The following GMDS variants were observed in gnomAD, a reference collection of about 807,000 sequenced individuals.
GMDS encodes GDP-mannose 4,6-dehydratase.
Under a neutral mutation model 49.9 loss-of-function variants are expected in GMDS, and 20 were observed. That is an observed-to-expected ratio of 0.40 (90% CI 0.28 to 0.58). GMDS has a LOEUF of 0.58. Among genes scored for constraint, GMDS ranks in the 20% least tolerant of loss-of-function variants. GMDS has a pLI of 0.42. For missense variants in GMDS, 362 were observed against 481.4 expected (o/e 0.75, Z 2.32); for synonymous variants, 177 against 178.6 (o/e 0.99, Z 0.07).
intron 1 of GMDS, among the ~76,000 whole-genome samples, chr6:2,143,861 C>T (rs530815005): frequency 1.3e-5 from 2 of 152,346 alleles, no homozygotes; most frequent in Admixed American, 6.5e-5. Context: ...AACATCTTCA[C>T]GTGAACATTC....
At chr6:1,744,233 G>C (rs1281140532) in intron 7 of GMDS, among the ~76,000 whole-genome samples, 1 of 152,144 alleles carries the variant, frequency 6.6e-6, no homozygotes, top group Non-Finnish European at 1.5e-5. Context: ...TCATATGGAA[G>C]ACAAGATTTT....
chr6:1,944,462 G>A (rs967223631), intron 6 of GMDS, among the ~76,000 whole-genome samples: 3 of 151,644 alleles, frequency 2.0e-5, no homozygotes, highest in Admixed American at 6.6e-5. Context: ...CCGAGATGGC[G>A]CCACTGCACG....
rs10523956 is a variant in GMDS at position 2,013,925 on chromosome 6, C to CATATATATATATATATATAT, written c.346-52979_346-52960dup. ...AGAGAACACCAGAGAGGATAAAAAC[C>CATATATATATATATATATAT]ATATATATATATATATATATATATA... On this transcript the variant is annotated intron_variant, in intron 4 of 10. Coordinates refer to ENST00000380815, the MANE Select transcript of GMDS (RefSeq NM_001500.4). 1.3e-3 allele frequency among the ~76,000 whole-genome samples: 157 copies of CATATATATATATATATATAT among 124,958 alleles called. 1 individual carries two copies. Among genetic ancestry groups the CATATATATATATATATATAT allele is most frequent in the African/African-American group, 1.8e-3 (50 of 28,358 alleles). The allele number at this position is 124,958 out of a possible 152,430, so 82.0% of individuals were successfully genotyped here.
intron 9 of GMDS, among the ~76,000 whole-genome samples, chr6:1,657,326 C>T (rs1322295586): frequency 1.3e-5 from 2 of 152,176 alleles, no homozygotes; most frequent in Non-Finnish European, 2.9e-5. Context: ...ACCCATCGAC[C>T]TCTGTGCTGG....
intron 4 of GMDS, among the ~76,000 whole-genome samples, chr6:2,109,060 A>G (rs1383678436): frequency 6.6e-6 from 1 of 152,216 alleles, no homozygotes; most frequent in Non-Finnish European, 1.5e-5. Flanking sequence ...GCTAAGGCAA[A>G]TGACAGGCCT....
At chr6:2,040,985 T>A (rs1769642308) in intron 4 of GMDS, among the ~76,000 whole-genome samples, 1 of 152,202 alleles carries the variant, frequency 6.6e-6, no homozygotes, top group Non-Finnish European at 1.5e-5. Context: ...ACGTCTACAC[T>A]TTTCTTTTAT....
intron 8 of GMDS, among the ~76,000 whole-genome samples, chr6:1,731,620 T>C (rs1335764142): frequency 6.6e-6 from 1 of 152,362 alleles, no homozygotes; most frequent in Admixed American, 6.5e-5. Flanking sequence ...AATTTTGAGA[T>C]TGGACTAGAG....
chr6:1,872,376 T>C (rs1339885997), intron 7 of GMDS, among the ~76,000 whole-genome samples: 2 of 152,232 alleles, frequency 1.3e-5, no homozygotes, highest in African/African-American at 4.8e-5. Flanking sequence ...ATGTGCCCAA[T>C]AGCCAAGAAA....
chr6:2,226,706 T>C (rs1235256741), intron 1 of GMDS, among the ~76,000 whole-genome samples: 1 of 152,194 alleles, frequency 6.6e-6, no homozygotes, highest in African/African-American at 2.4e-5. Context: ...CTAAATTCTA[T>C]CACTCAAAAT....
intron 4 of GMDS, among the ~76,000 whole-genome samples, chr6:2,002,583 C>T (rs2127383910): frequency 6.6e-6 from 1 of 152,222 alleles, no homozygotes; most frequent in Non-Finnish European, 1.5e-5. Context: ...CTATGAAATC[C>T]TACCCTGTGC....
intron 7 of GMDS, among the ~76,000 whole-genome samples, chr6:1,872,545 C>G (rs1758822743): frequency 6.6e-6 from 1 of 152,216 alleles, no homozygotes; most frequent in African/African-American, 2.4e-5. Flanking sequence ...TTGCCAGCTA[C>G]TTGTGACAAC....
At chr6:1,864,388 A>G (rs1207924538) in intron 7 of GMDS, among the ~76,000 whole-genome samples, 1 of 152,234 alleles carries the variant, frequency 6.6e-6, no homozygotes, top group Non-Finnish European at 1.5e-5. Context: ...ACCTTCAAAC[A>G]TTAAAATTAT....
At chr6:1,717,773 A>G (rs1355797717) in intron 9 of GMDS, 1 of 152,252 alleles carries the variant, frequency 6.6e-6, no homozygotes, top group Admixed American at 6.5e-5. Flanking sequence ...GATAATTAAT[A>G]ATGATGACTA....
At chr6:1,675,897 A>G (rs1764607500) in intron 9 of GMDS, among the ~76,000 whole-genome samples, 1 of 152,068 alleles carries the variant, frequency 6.6e-6, no homozygotes, top group South Asian at 2.1e-4. Context: ...CCGATTCCAC[A>G]GAAATACAAA....
chr6:2,069,026 G>T (rs1264458492), intron 4 of GMDS, among the ~76,000 whole-genome samples: 4 of 152,140 alleles, frequency 2.6e-5, no homozygotes, highest in Admixed American at 2.6e-4. Flanking sequence ...ATACTATAAG[G>T]CTACAGTAAC....
At chr6:1,883,825 G>A (rs2089301677) in intron 7 of GMDS, among the ~76,000 whole-genome samples, 1 of 152,030 alleles carries the variant, frequency 6.6e-6, no homozygotes, top group Admixed American at 6.5e-5. Flanking sequence ...AAGGAATTTT[G>A]ACCCCATATA....
Position 1,999,972 on chromosome 6 carries a change from ATATATATATTT to A in GMDS, c.346-39017_346-39007del, listed in dbSNP as rs1314788580. On this transcript the variant is annotated intron_variant, in intron 4 of 10. Transcript: ENST00000380815. ...ATAATATGTATATTATATATATATT[ATATATATATTT>A]TATATATATATATTATATATATATA... Among the ~76,000 whole-genome samples, 233 of 30,352 alleles carry A rather than the reference ATATATATATTT, an allele frequency of 7.7e-3. 22 individuals carry two copies. Among genetic ancestry groups the A allele is most frequent in the Non-Finnish European group, 9.6e-3 (176 of 18,396 alleles). The allele number at this position is 30,352 out of a possible 152,430, so 19.9% of individuals were successfully genotyped here.
intron 9 of GMDS, among the ~76,000 whole-genome samples, chr6:1,666,007 G>A (rs934239860): frequency 1.3e-5 from 2 of 152,138 alleles, no homozygotes; most frequent in African/African-American, 4.8e-5. Context: ...AGTTAAACTC[G>A]ACCTCTGGGC....
intron 1 of GMDS, among the ~76,000 whole-genome samples, chr6:2,125,788 T>C (rs1377944565): frequency 6.6e-6 from 1 of 152,126 alleles, no homozygotes; most frequent in Non-Finnish European, 1.5e-5. Flanking sequence ...CTGCTAACCC[T>C]AAAGGTTCTG....
Sources: allele counts gnomAD v4.1 joint callset (sites outside exome capture counted in the v4.1 genomes callset), GRCh38; gene constraint gnomAD v4.1.1; transcripts MANE v1.5; gene names NCBI Gene and HGNC (gene_info 2026-07-23, HGNC 2026-07-21).